GALNT2: variants seen among roughly 807,000 people sequenced by gnomAD.
GALNT2 encodes the protein polypeptide N-acetylgalactosaminyltransferase 2, also known as UDP-GalNAc:polypeptide N-acetylgalactosaminyltransferase 2.
In GALNT2, 31 loss-of-function variants were observed where a neutral mutation model predicts 81.4. The observed-to-expected ratio is 0.38, with a 90% CI of 0.29 to 0.51. The LOEUF (loss-of-function observed/expected upper bound fraction) is 0.51. GALNT2 is among the 20% of genes least tolerant of loss of function. The pLI is 0.87. For missense variants in GALNT2, 629 were observed against 765.7 expected, an observed-to-expected ratio of 0.82 and a Z score of 2.11; for synonymous variants, 303 against 287.4, an observed-to-expected ratio of 1.05 and a Z score of -0.55.
intron 3 of GALNT2, among the ~76,000 whole-genome samples, chr1:230,233,475 T>C (rs1664929276): frequency 1.3e-5 from 2 of 152,158 alleles, no homozygotes; most frequent in African/African-American, 4.8e-5. Context: ...TAGCCAGGCA[T>C]GGTGATGGGC....
In GALNT2 at chr1:230,134,349, C is replaced by T. The variant is rs150114312; in HGVS notation, c.127-43869C>T. 1.6e-3 allele frequency among the ~76,000 whole-genome samples: 246 copies of T among 152,196 alleles called. 1 individual carries two copies. Among genetic ancestry groups the T allele is most frequent in the African/African-American group, 5.5e-3 (230 of 41,520 alleles). ...GTCTCAATCTCCTGACCTCATGATC[C>T]GCCCGCCTTGGCCTCCCAAAGTGCT... is the stretch of plus-strand genomic sequence containing the variant. On this transcript the variant is annotated intron_variant, in intron 1 of 15. Coordinates refer to ENST00000366672, the MANE Select transcript of GALNT2 (RefSeq NM_004481.5).
chr1:230,128,859 C>T (rs953757145), intron 1 of GALNT2, among the ~76,000 whole-genome samples: 3 of 152,198 alleles, frequency 2.0e-5, no homozygotes, highest in East Asian at 1.9e-4. Context: ...AGGGCACCTG[C>T]GCTTTCTGGT....
chr1:230,196,162 G>A (rs533097788), intron 2 of GALNT2, among the ~76,000 whole-genome samples: 20 of 152,328 alleles, frequency 1.3e-4, no homozygotes, highest in Admixed American at 3.3e-4. Context: ...ACTGGGCACA[G>A]GGCCCCCTCA....
intron 1 of GALNT2, among the ~76,000 whole-genome samples, chr1:230,067,671 AT>A (rs1026453845): frequency 2.6e-5 from 4 of 151,764 alleles, no homozygotes; most frequent in African/African-American, 9.7e-5. Flanking sequence ...GCTCGTCGTA[AT>A]TCGAGTCTTG....
chr1:230,076,490 A>G (rs1359614560), intron 1 of GALNT2, among the ~76,000 whole-genome samples: 1 of 152,106 alleles, frequency 6.6e-6, no homozygotes, highest in Non-Finnish European at 1.5e-5. Context: ...GAAACCAGAG[A>G]TCAGATGCCT....
At chr1:230,195,083 G>T (rs1245272729) in intron 2 of GALNT2, among the ~76,000 whole-genome samples, 6 of 152,220 alleles carry the variant, frequency 3.9e-5, no homozygotes, top group Non-Finnish European at 7.3e-5. Flanking sequence ...GAGTCAGGTG[G>T]AGAGAGACAG....
intron 3 of GALNT2, among the ~76,000 whole-genome samples, chr1:230,213,929 G>A (rs1036696549): frequency 5.9e-5 from 9 of 151,938 alleles, no homozygotes; most frequent in African/African-American, 2.2e-4. Flanking sequence ...ATCTTTTATT[G>A]TTTTATGCAG....
At chr1:230,149,520 T>G (rs1248383664) in intron 1 of GALNT2, among the ~76,000 whole-genome samples, 1 of 152,158 alleles carries the variant, frequency 6.6e-6, no homozygotes, top group Non-Finnish European at 1.5e-5. Flanking sequence ...TAGTAGTGAT[T>G]CTAGGATGAG....
chr1:230,223,829 A>T lies in GALNT2; in HGVS notation c.375-12185A>T, dbSNP rs935333990. Reference sequence around the variant, plus strand: ...AGAGCAATTCAGTGTATCTGAAAAGAGTGGTGTCCTAAAATGTCACCCTCC... The same window carrying T: ...AGAGCAATTCAGTGTATCTGAAAAGTGTGGTGTCCTAAAATGTCACCCTCC... On this transcript the variant is annotated intron_variant, in intron 3 of 15. Coordinates refer to ENST00000366672, the MANE Select transcript of GALNT2 (RefSeq NM_004481.5). Among the ~76,000 whole-genome samples, 37 of 152,344 alleles carry T rather than the reference A, an allele frequency of 2.4e-4. 1 individual carries two copies. The highest frequency in any genetic ancestry group is 7.2e-4 in the Admixed American group (11 of 15,302).
At chr1:230,089,077 CT>C (rs1389379156) in intron 1 of GALNT2, among the ~76,000 whole-genome samples, 2 of 151,984 alleles carry the variant, frequency 1.3e-5, no homozygotes, top group Admixed American at 6.6e-5. Context: ...CATGTATCAA[CT>C]TTCCCCCCCG....
intron 1 of GALNT2, among the ~76,000 whole-genome samples, chr1:230,097,907 G>A (rs1332245273): frequency 6.6e-6 from 1 of 152,182 alleles, no homozygotes; most frequent in Non-Finnish European, 1.5e-5. Context: ...AACAGATAAT[G>A]CTGCTATTTC....
At chr1:230,176,430 T>C (rs1440748032) in intron 1 of GALNT2, among the ~76,000 whole-genome samples, 2 of 152,142 alleles carry the variant, frequency 1.3e-5, no homozygotes, top group Non-Finnish European at 2.9e-5. Flanking sequence ...CAGCTACAAG[T>C]TTAAATGATT....
intron 1 of GALNT2, among the ~76,000 whole-genome samples, chr1:230,126,150 G>T (rs1364643467): frequency 5.9e-5 from 9 of 152,222 alleles, no homozygotes; most frequent in Admixed American, 5.9e-4. Context: ...GTGTGTGGGG[G>T]CAGGGGTGTG....
At chr1:230,145,557 G>A (rs1661889245) in intron 1 of GALNT2, among the ~76,000 whole-genome samples, 1 of 152,252 alleles carries the variant, frequency 6.6e-6, no homozygotes, top group African/African-American at 2.4e-5. Flanking sequence ...GTGGTTCTCT[G>A]GGGATTCCTC....
At chr1:230,203,091 T>TG in intron 2 of GALNT2, 46 bp from the exon 3 acceptor site, 1 of 1,579,632 alleles carries the variant, frequency 6.3e-7, no homozygotes, top group Non-Finnish European at 8.6e-7. Context: ...GATGAGCACT[T>TG]GGTCACATTT....
upstream of GALNT2, among the ~76,000 whole-genome samples, chr1:230,063,708 A>G (rs549587963): frequency 6.6e-6 from 1 of 152,364 alleles, no homozygotes; most frequent in East Asian, 1.9e-4. Context: ...CTAATGATAT[A>G]CAATTGATAA....
intron 1 of GALNT2, among the ~76,000 whole-genome samples, chr1:230,135,733 G>C (rs1355016434): frequency 1.3e-5 from 2 of 152,060 alleles, no homozygotes; most frequent in Non-Finnish European, 2.9e-5. Flanking sequence ...CAGTCTCCCT[G>C]TGTCACCCAG....
intron 1 of GALNT2, among the ~76,000 whole-genome samples, chr1:230,103,514 T>C (rs141571440): frequency 6.6e-6 from 1 of 152,296 alleles, no homozygotes; most frequent in African/African-American, 2.4e-5. Flanking sequence ...GAAAGAAATG[T>C]AAGTCACCTT....
intron 1 of GALNT2, 102 bp downstream of exon 1, chr1:230,067,508 G>T (rs1435064052): frequency 2.5e-6 from 1 of 392,534 alleles, no homozygotes; most frequent in East Asian, 5.7e-5. Context: ...CCTCCGCCCG[G>T]ACCTCCGCTC....
Sources: gnomAD v4.1 joint callset for allele counts (sites outside exome capture counted in the v4.1 genomes callset) on GRCh38, gnomAD v4.1.1 for gene constraint, MANE v1.5 for transcripts, NCBI Gene and HGNC (gene_info 2026-07-23, HGNC 2026-07-21) for gene names.